The following VPS37A variants were observed in gnomAD, a reference collection of about 807,000 sequenced individuals.
VPS37A encodes the protein VPS37A subunit of ESCRT-I, also known as vacuolar protein sorting-associated protein 37A.
A neutral mutation model predicts 49.8 loss-of-function variants in VPS37A; 30 were observed. The observed-to-expected ratio is 0.60, with a 90% CI of 0.45 to 0.82. The LOEUF is 0.82. VPS37A is among the 40% of genes least tolerant of loss of function. The pLI is 0.00. For missense variants in VPS37A, 593 were observed against 464.4 expected, an observed-to-expected ratio of 1.28 and a Z score of -2.55; for synonymous variants, 195 against 160.6, an observed-to-expected ratio of 1.21 and a Z score of -1.62.
chr8:17,332,444 T>G, the VPS37A span, among the ~76,000 whole-genome samples: 28 of 152,090 alleles, frequency 1.8e-4, no homozygotes, highest in African/African-American at 6.3e-4. Context: ...GGATACACAA[T>G]GGTTTATCAT....
rs1816689373 is a variant in VPS37A at position 17,296,887 on chromosome 8, G to C, written c.*1901G>C. The C allele has an allele frequency of 2.0e-5, 3 of 152,122 alleles. No individual in the cohort carries two copies. Among genetic ancestry groups the C allele is most frequent in the African/African-American group, 7.2e-5 (3 of 41,428 alleles). 9.4% of individuals were successfully genotyped at this position (152,122 alleles called of 1,614,324 possible). A position where few individuals can be genotyped will look rare whatever the true frequency, so the allele number is the denominator to read the frequency against. ...GATAACCTTGTTACAACCCAGTCAT[G>C]AAACAGAGCAGTGTGATCAGTTATC... On this transcript the variant is annotated 3_prime_UTR_variant, in exon 12 of 12. Transcript: ENST00000324849.
At chr8:17,319,408 GACTC>G in the VPS37A span, among the ~76,000 whole-genome samples, 1 of 152,332 alleles carries the variant, frequency 6.6e-6, no homozygotes, top group Admixed American at 6.5e-5. Flanking sequence ...GGAGCTGTTA[GACTC>G]ACTCAAACAT....
At chr8:17,265,841 A>G (rs1813398858) in intron 1 of VPS37A, 66 bp from the exon 2 acceptor site, 1 of 1,610,528 alleles carries the variant, frequency 6.2e-7, no homozygotes. Flanking sequence ...TCTAGCACTT[A>G]ACATTGGTTT....
At chr8:17,267,112 G>A (rs1202809244) in intron 2 of VPS37A, among the ~76,000 whole-genome samples, 3 of 152,104 alleles carry the variant, frequency 2.0e-5, no homozygotes, top group African/African-American at 7.2e-5. Flanking sequence ...ACAGAAACAC[G>A]GTTAGTAAGT....
chr8:17,249,339 A>G (rs1192149856), intron 1 of VPS37A, among the ~76,000 whole-genome samples: 1 of 152,238 alleles, frequency 6.6e-6, no homozygotes, highest in Non-Finnish European at 1.5e-5. Flanking sequence ...AGTTGGATAC[A>G]GAAAGGATTC....
chr8:17,305,687 G>A, downstream of VPS37A: 1 of 1,357,266 alleles, frequency 7.4e-7, no homozygotes, highest in African/African-American at 1.5e-5. Context: ...ATTATGAAAG[G>A]CCACCTAAAA....
rs1210665505 is a variant in VPS37A at position 17,247,144 on chromosome 8, G to C, written c.-101G>C. ...GGTCCCCAGCGCTTGGGCCACGGAC[G>C]TCCCACCCCGCTCCTCTGTCGCTGG... On this transcript the variant is annotated 5_prime_UTR_variant, in exon 1 of 12. Coordinates refer to ENST00000324849, the MANE Select transcript of VPS37A (RefSeq NM_152415.3). The C allele has an allele frequency of 6.7e-7, 1 of 1,500,062 alleles. No homozygotes were observed. The allele number at this position is 1,500,062 out of a possible 1,614,324, so 92.9% of individuals were successfully genotyped here. A position where few individuals can be genotyped will look rare whatever the true frequency, so the allele number is the denominator to read the frequency against.
At chr8:17,305,703 A>G, downstream of VPS37A, 1 of 1,474,668 alleles carries the variant, frequency 6.8e-7, no homozygotes, top group South Asian at 1.2e-5. Context: ...TAAAATTCTC[A>G]GTCATCAAAA....
At chr8:17,309,663 C>T in the VPS37A span, among the ~76,000 whole-genome samples, 1 of 152,090 alleles carries the variant, frequency 6.6e-6, no homozygotes, top group African/African-American at 2.4e-5. Context: ...AAGGGGAAAC[C>T]GAAGGAAAGA....
At chr8:17,258,557 G>C (rs543252242) in intron 1 of VPS37A, among the ~76,000 whole-genome samples, 2 of 152,166 alleles carry the variant, frequency 1.3e-5, no homozygotes, top group African/African-American at 4.8e-5. Context: ...TTTTGTTCAG[G>C]AGTTTTGTAT....
the VPS37A span, chr8:17,313,424 A>G: frequency 6.7e-7 from 1 of 1,495,730 alleles, no homozygotes; most frequent in Non-Finnish European, 9.3e-7. Context: ...TCATGTTATA[A>G]AAGCAAAATT....
rs1055402353 is a variant in VPS37A, at chr8:17,296,737, CAG to C, written c.*1753_*1754del. The C allele has an allele frequency of 6.6e-5, 10 of 151,772 alleles. No individual in the cohort carries two copies. The highest frequency in any genetic ancestry group is 4.4e-5 in the Non-Finnish European group (3 of 67,876). 9.4% of individuals were successfully genotyped at this position (151,772 alleles called of 1,614,324 possible). On this transcript the variant is annotated 3_prime_UTR_variant, in exon 12 of 12. Transcript: ENST00000324849. Reference sequence around the variant, plus strand: ...TCTACTTTCCTTTTCACCAGAAAAACAGAAAAAAAAGAAACATTTTCTTACAG... The same window carrying C: ...TCTACTTTCCTTTTCACCAGAAAAACAAAAAAAAGAAACATTTTCTTACAG...
intron 4 of VPS37A, 27 bp from the exon 5 acceptor site, chr8:17,274,706 G>A (rs1483945944): frequency 1.3e-6 from 2 of 1,567,154 alleles, no homozygotes; most frequent in African/African-American, 1.4e-5. Context: ...AAAATCTAAT[G>A]TAATGATCTT....
At chr8:17,305,771 C>T, downstream of VPS37A, 3 of 1,611,464 alleles carry the variant, frequency 1.9e-6, no homozygotes, top group African/African-American at 1.3e-5. Context: ...GTTCTCGTCT[C>T]TCCTTTTGGC....
downstream of VPS37A, chr8:17,302,117 G>A: frequency 6.2e-7 from 1 of 1,613,138 alleles, no homozygotes; most frequent in Non-Finnish European, 8.5e-7. Context: ...CAAGAAATAA[G>A]CACAGAAAAT....
intron 10 of VPS37A, among the ~76,000 whole-genome samples, chr8:17,285,843 T>C (rs1221477063): frequency 6.6e-6 from 1 of 152,210 alleles, no homozygotes; most frequent in South Asian, 2.1e-4. Flanking sequence ...ATAATTGATA[T>C]AAAGGATCAG....
rs1811266264 is a variant in VPS37A at position 17,246,962 on chromosome 8, G to T, written c.-283G>T. 2.2e-6 allele frequency: 1 copy of T among 455,172 alleles called. No homozygotes were observed. Among genetic ancestry groups the T allele is most frequent in the South Asian group, 2.2e-5 (1 of 44,698 alleles). The allele number at this position is 455,172 out of a possible 1,614,324, so 28.2% of individuals were successfully genotyped here. The stretch of plus-strand genomic sequence containing the variant: ...CGGCGGCGCGGGTGGTGGAGCGCTG[G>T]GCGGCCAGGCTCCCTGGCTGGCCGG... On this transcript the variant is annotated 5_prime_UTR_variant, in exon 1 of 12. Transcript: ENST00000324849.
At chr8:17,302,233 C>T (rs773706780), downstream of VPS37A, 24 of 1,613,946 alleles carry the variant, frequency 1.5e-5, no homozygotes, top group South Asian at 8.8e-5. Flanking sequence ...AACTGACTGT[C>T]GGGGCTGCAT....
chr8:17,305,810 G>A, downstream of VPS37A: 2 of 1,613,580 alleles, frequency 1.2e-6, no homozygotes, highest in Non-Finnish European at 1.7e-6. Context: ...CAAACTGGCA[G>A]GAATAAATGT....
Sources: allele counts gnomAD v4.1 joint callset (sites outside exome capture counted in the v4.1 genomes callset), GRCh38; gene constraint gnomAD v4.1.1; transcripts MANE v1.5; gene names NCBI Gene and HGNC (gene_info 2026-07-23, HGNC 2026-07-21).